The following KCNN3 variants were observed in gnomAD, a reference collection of about 807,000 sequenced individuals.
KCNN3 encodes the protein potassium calcium-activated channel subfamily N member 3.
In KCNN3, 16 loss-of-function variants were observed where a neutral mutation model predicts 62.9. The ratio of observed to expected loss-of-function variants is 0.25; its 90% CI spans 0.17 to 0.39. The LOEUF (loss-of-function observed/expected upper bound fraction) is 0.39. Ranked by LOEUF, KCNN3 falls within the 10% of genes least tolerant of loss-of-function variation. The pLI, the probability that KCNN3 is intolerant of heterozygous loss-of-function variation, is 1.00. For missense variants in KCNN3, 599 were observed against 949.4 expected (o/e 0.63, Z 4.85); for synonymous variants, 370 against 389.2 (o/e 0.95, Z 0.58).
chr1:154,803,541 A>G (rs1184054689), intron 2 of KCNN3, among the ~76,000 whole-genome samples: 1 of 152,210 alleles, frequency 6.6e-6, no homozygotes, highest in Non-Finnish European at 1.5e-5. Context: ...AAGCCCATCA[A>G]ACATTTGCCT....
At chr1:154,742,321 C>G (rs1700837884) in intron 3 of KCNN3, among the ~76,000 whole-genome samples, 1 of 152,228 alleles carries the variant, frequency 6.6e-6, no homozygotes, top group Non-Finnish European at 1.5e-5. Flanking sequence ...CACTGGCTTG[C>G]AGAAAGGCCG....
intron 3 of KCNN3, among the ~76,000 whole-genome samples, chr1:154,744,424 T>C (rs562577034): frequency 8.5e-5 from 13 of 152,316 alleles, no homozygotes; most frequent in Non-Finnish European, 1.6e-4. Context: ...CTGCTAAAGA[T>C]GGCAATTGTA....
At chr1:154,720,596 T>C (rs1331848680) in intron 5 of KCNN3, among the ~76,000 whole-genome samples, 1 of 152,248 alleles carries the variant, frequency 6.6e-6, no homozygotes, top group Non-Finnish European at 1.5e-5. Context: ...CTAGCAAGAT[T>C]ATGATCAAAC....
intron 1 of KCNN3, among the ~76,000 whole-genome samples, chr1:154,835,660 A>C (rs115601084): frequency 0.013 from 2,049 of 152,328 alleles, 21 homozygotes; most frequent in Non-Finnish European, 0.022. Flanking sequence ...GGTGACTTGA[A>C]TTTCTTGGCA....
intron 2 of KCNN3, among the ~76,000 whole-genome samples, chr1:154,774,240 A>T (rs1260424275): frequency 6.6e-6 from 1 of 152,224 alleles, no homozygotes; most frequent in Non-Finnish European, 1.5e-5. Flanking sequence ...AGTTGGGCTC[A>T]GTGATGTCTA....
chr1:154,711,706 T>G (rs1428048607), intron 7 of KCNN3, among the ~76,000 whole-genome samples: 3 of 152,134 alleles, frequency 2.0e-5, no homozygotes, highest in Admixed American at 2.0e-4. Context: ...TCCTGGCCAA[T>G]GCTGATTGGT....
At chr1:154,774,644 T>C (rs982745627) in intron 2 of KCNN3, among the ~76,000 whole-genome samples, 18 of 152,268 alleles carry the variant, frequency 1.2e-4, no homozygotes, top group African/African-American at 3.9e-4. Context: ...CCAGCAGATC[T>C]GGCTGTTGCC....
At chr1:154,751,416 A>G (rs1327148022) in intron 3 of KCNN3, among the ~76,000 whole-genome samples, 1 of 152,202 alleles carries the variant, frequency 6.6e-6, no homozygotes, top group African/African-American at 2.4e-5. Flanking sequence ...TCCCGTGCAG[A>G]CAAGATGAAG....
intron 2 of KCNN3, among the ~76,000 whole-genome samples, chr1:154,819,153 C>T (rs113985053): frequency 5.9e-5 from 9 of 152,204 alleles, no homozygotes; most frequent in Non-Finnish European, 1.3e-4. Context: ...CTCCCCTCTG[C>T]ATAACTTCAT....
chr1:154,786,730 A>T (rs952867877), intron 2 of KCNN3, among the ~76,000 whole-genome samples: 2 of 152,218 alleles, frequency 1.3e-5, no homozygotes, highest in African/African-American at 4.8e-5. Flanking sequence ...ACGCAGGGAG[A>T]TGGGAATCAG....
chr1:154,865,968 G>C lies in KCNN3; in HGVS notation c.933+3064C>G, dbSNP rs575775658. 3.3e-5 allele frequency among the ~76,000 whole-genome samples: 5 copies of C among 152,270 alleles called. No homozygotes were observed. The South Asian group carries it at 1.0e-3, about 32-fold the overall frequency. ...CCGCCTGCCTCCAGACTGGTCAGCA[G>C]GGCCAACCAGGCACACAAAGCTCTC... is the stretch of plus-strand genomic sequence containing the variant. On this transcript the variant is annotated intron_variant, in intron 1 of 7. Coordinates refer to ENST00000271915, the MANE Select transcript of KCNN3 (RefSeq NM_002249.6).
intron 3 of KCNN3, among the ~76,000 whole-genome samples, chr1:154,769,369 C>T (rs1557966498): frequency 6.6e-6 from 1 of 152,174 alleles, no homozygotes; most frequent in Non-Finnish European, 1.5e-5. Context: ...AGAGAATTTC[C>T]GATTTGCTCA....
intron 3 of KCNN3, among the ~76,000 whole-genome samples, chr1:154,768,666 G>A (rs1648406995): frequency 6.6e-6 from 1 of 152,198 alleles, no homozygotes; most frequent in Admixed American, 6.5e-5. Context: ...TTGACCTGAA[G>A]AGAGGGACTC....
intron 2 of KCNN3, among the ~76,000 whole-genome samples, chr1:154,774,498 T>C (rs1346079953): frequency 3.3e-5 from 5 of 152,226 alleles, no homozygotes; most frequent in Non-Finnish European, 7.3e-5. Flanking sequence ...GCTCCGATGA[T>C]TTGATTCTTG....
At chr1:154,795,774 T>C (rs1649709764) in intron 2 of KCNN3, among the ~76,000 whole-genome samples, 1 of 152,092 alleles carries the variant, frequency 6.6e-6, no homozygotes, top group South Asian at 2.1e-4. Context: ...GAGCAGTACA[T>C]GCAGAGGCCC....
chr1:154,817,959 T>C (rs970428807), intron 2 of KCNN3, among the ~76,000 whole-genome samples: 23 of 152,120 alleles, frequency 1.5e-4, no homozygotes, highest in African/African-American at 5.6e-4. Flanking sequence ...GCCGGTGGCA[T>C]GTAAAACGTG....
chr1:154,710,405 G>A (rs1700050468), intron 7 of KCNN3, among the ~76,000 whole-genome samples: 1 of 152,194 alleles, frequency 6.6e-6, no homozygotes, highest in South Asian at 2.1e-4. Flanking sequence ...GATAAAGACT[G>A]GGCGAATGTC....
At chr1:154,745,405 T>C (rs1700918259) in intron 3 of KCNN3, among the ~76,000 whole-genome samples, 1 of 152,234 alleles carries the variant, frequency 6.6e-6, no homozygotes, top group Non-Finnish European at 1.5e-5. Context: ...ACCGAGGTGG[T>C]GGCATCTCTG....
intron 4 of KCNN3, among the ~76,000 whole-genome samples, chr1:154,727,186 C>G (rs1182491051): frequency 6.6e-6 from 1 of 152,186 alleles, no homozygotes; most frequent in Admixed American, 6.5e-5. Context: ...CCCTGACCAC[C>G]ACTCATGGAA....
Sources: allele counts gnomAD v4.1 joint callset (sites outside exome capture counted in the v4.1 genomes callset), GRCh38; gene constraint gnomAD v4.1.1; transcripts MANE v1.5; gene names NCBI Gene and HGNC (gene_info 2026-07-23, HGNC 2026-07-21).